GPC5: variants seen among roughly 807,000 people sequenced by gnomAD.
GPC5 encodes the protein glypican-5.
GPC5 carries 47 observed loss-of-function variants against 53.9 expected under a neutral mutation model. The ratio of observed to expected loss-of-function variants is 0.87; its 90% confidence interval spans 0.69 to 1.11. The LOEUF (loss-of-function observed/expected upper bound fraction) is 1.11, where lower values mean the gene tolerates loss of function less well. Ranked by LOEUF, GPC5 falls within the 50% of genes most tolerant of loss-of-function variation. The pLI is 0.00. For synonymous variants in GPC5, 286 were observed against 263.3 expected, an observed-to-expected ratio of 1.09 and a Z score of -0.84; for missense variants, 748 against 713.1, an observed-to-expected ratio of 1.05 and a Z score of -0.56.
intron 5 of GPC5, among the ~76,000 whole-genome samples, chr13:91,877,321 G>A (rs2039214493): frequency 6.6e-6 from 1 of 152,034 alleles, no homozygotes; most frequent in South Asian, 2.1e-4. Flanking sequence ...TGGAAAAGCC[G>A]CAGATATTCA....
intron 7 of GPC5, chr13:92,240,705 T>A (rs2042605847): frequency 6.6e-6 from 1 of 152,274 alleles, no homozygotes; most frequent in South Asian, 2.1e-4. Flanking sequence ...GGTTTCACCA[T>A]GTTGGCCAGG....
In GPC5 at chr13:92,357,158, A is replaced by T. The variant is rs528925929; in HGVS notation, c.1561+212169A>T. Among the ~76,000 whole-genome samples, 4 of 151,708 alleles carry T rather than the reference A, an allele frequency of 2.6e-5. 1 individual carries two copies. The highest frequency in any genetic ancestry group is 4.9e-5 in the African/African-American group (2 of 40,988). ...TTGATTCCATGTCTTCGCTGTGTTAATAGTACTGCAAGGGACACACATGTG... is the reference window on the plus strand; with the variant it reads ...TTGATTCCATGTCTTCGCTGTGTTATTAGTACTGCAAGGGACACACATGTG... On this transcript the variant is annotated intron_variant, in intron 7 of 7. Coordinates refer to ENST00000377067, the MANE Select transcript of GPC5 (RefSeq NM_004466.6).
intron 7 of GPC5, among the ~76,000 whole-genome samples, chr13:92,765,032 G>A (rs1357341176): frequency 6.6e-6 from 1 of 152,086 alleles, no homozygotes; most frequent in Non-Finnish European, 1.5e-5. Context: ...GATTTTTAAA[G>A]GCCTTTTTTC....
chr13:92,165,040 A>G (rs892588362), intron 7 of GPC5, among the ~76,000 whole-genome samples: 1 of 152,144 alleles, frequency 6.6e-6, no homozygotes, highest in Non-Finnish European at 1.5e-5. Flanking sequence ...GGCCTGGCCC[A>G]CAAAACCGTC....
chr13:92,517,214 A>G (rs1187227756), intron 7 of GPC5, among the ~76,000 whole-genome samples: 3 of 152,200 alleles, frequency 2.0e-5, no homozygotes, highest in Non-Finnish European at 4.4e-5. Flanking sequence ...CTGCAGCTCA[A>G]GGAGGCCTGC....
intron 6 of GPC5, among the ~76,000 whole-genome samples, chr13:92,043,230 A>T (rs570310748): frequency 6.6e-6 from 1 of 152,348 alleles, no homozygotes; most frequent in African/African-American, 2.4e-5. Flanking sequence ...AAAACAAAGG[A>T]GCACATATGA....
chr13:92,170,901 A>C (rs2042065917), intron 7 of GPC5, among the ~76,000 whole-genome samples: 1 of 152,168 alleles, frequency 6.6e-6, no homozygotes, highest in Non-Finnish European at 1.5e-5. Flanking sequence ...ATACACATGG[A>C]GTAGGAGACA....
intron 7 of GPC5, among the ~76,000 whole-genome samples, chr13:92,567,611 T>C (rs1332463383): frequency 6.6e-6 from 1 of 152,138 alleles, no homozygotes; most frequent in South Asian, 2.1e-4. Context: ...AGTATCATAC[T>C]GATGAGATGT....
At chr13:92,510,372 A>G (rs1320822210) in intron 7 of GPC5, among the ~76,000 whole-genome samples, 2 of 152,198 alleles carry the variant, frequency 1.3e-5, no homozygotes, top group Admixed American at 6.5e-5. Context: ...GTGGGTTAGA[A>G]TAAAAGACCT....
chr13:91,866,164 G>C (rs902134657), intron 5 of GPC5, among the ~76,000 whole-genome samples: 1 of 151,822 alleles, frequency 6.6e-6, no homozygotes, highest in Non-Finnish European at 1.5e-5. Context: ...TACTGTGCTC[G>C]GCCATGAATA....
chr13:91,982,371 G>A (rs1429849316), intron 6 of GPC5, among the ~76,000 whole-genome samples: 1 of 152,066 alleles, frequency 6.6e-6, no homozygotes, highest in African/African-American at 2.4e-5. Flanking sequence ...GTTTTTCAGT[G>A]CTACACTAAT....
intron 6 of GPC5, among the ~76,000 whole-genome samples, chr13:92,029,350 G>A (rs1261174422): frequency 6.6e-6 from 1 of 152,170 alleles, no homozygotes; most frequent in East Asian, 1.9e-4. Flanking sequence ...CCTCTAAGTG[G>A]TATTTGGCTT....
intron 6 of GPC5, among the ~76,000 whole-genome samples, chr13:91,976,038 G>A (rs763389609): frequency 2.8e-4 from 42 of 152,028 alleles, no homozygotes; most frequent in African/African-American, 5.8e-4. Flanking sequence ...ACCAAACACC[G>A]CATGTTCTCA....
At chr13:91,445,092 G>A (rs910130249) in intron 1 of GPC5, among the ~76,000 whole-genome samples, 5 of 152,056 alleles carry the variant, frequency 3.3e-5, no homozygotes, top group East Asian at 1.9e-4. Context: ...CCTTCTTCAC[G>A]GTTTCATGGA....
chr13:92,332,104 C>CA (rs1333401082), intron 7 of GPC5, among the ~76,000 whole-genome samples: 2 of 152,144 alleles, frequency 1.3e-5, no homozygotes, highest in Non-Finnish European at 2.9e-5. Flanking sequence ...CACTGTCCCC[C>CA]AAACATTCTC....
chr13:91,893,919 T>G (rs956319415), intron 5 of GPC5, among the ~76,000 whole-genome samples: 5 of 151,536 alleles, frequency 3.3e-5, no homozygotes, highest in Admixed American at 1.3e-4. Context: ...AACTAGTCTA[T>G]GAGGGCAAGA....
chr13:92,539,367 C>G (rs1381235524), intron 7 of GPC5, among the ~76,000 whole-genome samples: 1 of 152,020 alleles, frequency 6.6e-6, no homozygotes, highest in Non-Finnish European at 1.5e-5. Flanking sequence ...GCCACTCTAA[C>G]TGGTTGAGAT....
chr13:92,731,635 A>G (rs992286172), intron 7 of GPC5, among the ~76,000 whole-genome samples: 1 of 151,450 alleles, frequency 6.6e-6, no homozygotes, highest in Non-Finnish European at 1.5e-5. Flanking sequence ...AGGAAAAATT[A>G]CTTAAATTGA....
intron 1 of GPC5, among the ~76,000 whole-genome samples, chr13:91,420,815 A>G (rs1038478745): frequency 2.0e-5 from 3 of 152,170 alleles, no homozygotes; most frequent in African/African-American, 4.8e-5. Flanking sequence ...TGCCTTGTGT[A>G]TAAGGTTCCT....
Sources: gnomAD v4.1 joint callset for allele counts (sites outside exome capture counted in the v4.1 genomes callset) on GRCh38, gnomAD v4.1.1 for gene constraint, MANE v1.5 for transcripts, NCBI Gene and HGNC (gene_info 2026-07-23, HGNC 2026-07-21) for gene names.